Variants in SGSM2 observed in about 807,000 individuals in gnomAD.
SGSM2 encodes the protein RUN and TBC1 domain containing 1.
In SGSM2, 89 loss-of-function variants were observed where a neutral mutation model predicts 126.6. That is an observed-to-expected ratio of 0.70 (90% CI 0.59 to 0.84). SGSM2 has a LOEUF of 0.84. SGSM2 is among the 40% of genes least tolerant of loss of function. SGSM2 has a pLI of 0.00. For missense variants in SGSM2, 1,404 were observed against 1,416.6 expected (o/e 0.99, Z 0.14); for synonymous variants, 614 against 574.3 (o/e 1.07, Z -0.99).
intron 12 of SGSM2, among the ~76,000 whole-genome samples, chr17:2,368,185 T>A (rs2065684652): frequency 6.6e-6 from 1 of 152,124 alleles, no homozygotes; most frequent in African/African-American, 2.4e-5. Context: ...AGAGGTCACC[T>A]TTGTTGGAGG....
chr17:2,340,572 C>T (rs1170513518), intron 1 of SGSM2, among the ~76,000 whole-genome samples: 2 of 151,930 alleles, frequency 1.3e-5, no homozygotes, highest in Admixed American at 1.3e-4. Flanking sequence ...CTCCTTTCCT[C>T]CTTCAGTGTT....
chr17:2,377,854 A>G lies in SGSM2; in HGVS notation c.2803-3A>G. 3.1e-6 allele frequency: 5 copies of G among 1,599,352 alleles called. No homozygotes were observed. The highest frequency in any genetic ancestry group is 4.3e-6 in the Non-Finnish European group (5 of 1,166,996). ...CCTCTCTCCCTTTTCCCACCCACAT[A>G]AGATCCTGGACTCAGAGCTGTTTGA... On this transcript the variant is annotated splice_region_variant and splice_polypyrimidine_tract_variant and intron_variant, in intron 21 of 23. Coordinates refer to ENST00000268989, the MANE Select transcript of SGSM2 (RefSeq NM_014853.3).
chr17:2,363,950 C>G lies in SGSM2; in HGVS notation c.808-109C>G. The G allele has an allele frequency of 7.2e-7, 1 of 1,380,578 alleles. No individual in the cohort carries two copies. Among genetic ancestry groups the G allele is most frequent in the Admixed American group, 1.7e-5 (1 of 57,400 alleles). 85.5% of individuals were successfully genotyped at this position (1,380,578 alleles called of 1,614,324 possible). A position where few individuals can be genotyped will look rare whatever the true frequency, so the allele number is the denominator to read the frequency against. ...CCGTCCCTAGTCCAGGACCCCGTGA[C>G]TAGCCTAGCTTGGCCTCCCCTCCTC... On this transcript the variant is annotated intron_variant, in intron 7 of 23. Transcript: ENST00000268989. The surrounding 1 kb of genome is among the most constrained non-coding windows in gnomAD (Gnocchi z 4.2).
At chr17:2,344,786 T>C (rs1225501631) in intron 2 of SGSM2, among the ~76,000 whole-genome samples, 3 of 152,220 alleles carry the variant, frequency 2.0e-5, no homozygotes, top group African/African-American at 7.2e-5. Flanking sequence ...AATCCTGGCG[T>C]CCTGCCTTTT....
In SGSM2 at chr17:2,362,100, C is replaced by G; in HGVS notation, c.297-9C>G. The G allele has an allele frequency of 6.2e-7, 1 of 1,608,726 alleles. No individual in the cohort carries two copies. Among genetic ancestry groups the G allele is most frequent in the Non-Finnish European group, 8.5e-7 (1 of 1,178,120 alleles). Reference sequence around the variant, plus strand: ...CACTGCACTCCTGGAGCCCTCCCCGCCTTTGCAGGAAACCCTCAGGGGTCA... The same window carrying G: ...CACTGCACTCCTGGAGCCCTCCCCGGCTTTGCAGGAAACCCTCAGGGGTCA... On this transcript the variant is annotated splice_polypyrimidine_tract_variant and intron_variant, in intron 3 of 23. Transcript: ENST00000268989. This position sits in a 1 kb window ranked among gnomAD's most constrained non-coding sequence, Gnocchi z 4.9.
At position 2,343,629 on chromosome 17, in the gene SGSM2, G is replaced by A; in HGVS notation, c.133+9G>A. The A allele has an allele frequency of 6.2e-7, 1 of 1,613,542 alleles. No homozygotes were observed. On this transcript the variant is annotated intron_variant, in intron 2 of 23. Transcript: ENST00000268989. ...CATCATTGCTTTATGTGGTGAGTGAGTGACTGAAGGATGATGGGAGGTCGG... is the reference window on the plus strand; with the variant it reads ...CATCATTGCTTTATGTGGTGAGTGAATGACTGAAGGATGATGGGAGGTCGG...
chr17:2,373,139 C>T (rs1448424210), intron 16 of SGSM2, 58 bp downstream of exon 16: 2 of 1,597,864 alleles, frequency 1.3e-6, no homozygotes, highest in Non-Finnish European at 1.7e-6. Context: ...CAGGGGACGC[C>T]AGGGAGGGGA....
chr17:2,368,356 AG>A (rs1201191625), intron 12 of SGSM2, among the ~76,000 whole-genome samples: 1 of 152,134 alleles, frequency 6.6e-6, no homozygotes, highest in East Asian at 1.9e-4. Flanking sequence ...AGGGGTGGGT[AG>A]GAAGAGGCTG....
chr17:2,365,299 T>A lies in SGSM2; in HGVS notation c.1246T>A (p.Tyr416Asn). The A allele has an allele frequency of 6.3e-6, 10 of 1,587,008 alleles. No homozygotes were observed. Among genetic ancestry groups the A allele is most frequent in the Non-Finnish European group, 8.6e-6 (10 of 1,166,720 alleles). The change falls in exon 11 of 24, where the codon TAT (tyrosine) becomes AAT (asparagine). Residue 416 changes from tyrosine to asparagine, a missense_variant. Physicochemically the swap from Tyr to Asn is moderately radical, Grantham distance 143. Transcript: ENST00000268989. ...EEMGTGRATD[Y>N]VFRIIYPGHR... ...GATGGGCACGGGGCGGGCCACCGAC[T>A]ATGTGTTCCGGATCATCTACCCCGG... is the stretch of plus-strand genomic sequence containing the variant.
At chr17:2,376,422 G>A (rs897779709) in intron 19 of SGSM2, 161 bp downstream of exon 19, 19 of 834,452 alleles carry the variant, frequency 2.3e-5, no homozygotes, top group Non-Finnish European at 2.7e-5. Flanking sequence ...CCTCCCCCGC[G>A]CCTCTTCATT....
At chr17:2,340,565 C>G (rs2064303291) in intron 1 of SGSM2, among the ~76,000 whole-genome samples, 1 of 151,908 alleles carries the variant, frequency 6.6e-6, no homozygotes, top group East Asian at 1.9e-4. Context: ...CATGTTTCTC[C>G]TTTCCTCCTT....
intron 11 of SGSM2, among the ~76,000 whole-genome samples, chr17:2,365,640 AAC>A (rs1185008190): frequency 6.6e-6 from 1 of 152,194 alleles, no homozygotes; most frequent in African/African-American, 2.4e-5. Context: ...CCAGGGGTAA[AAC>A]ACGTGGAGAA....
At chr17:2,350,797 T>C (rs2064812806) in intron 2 of SGSM2, among the ~76,000 whole-genome samples, 2 of 152,134 alleles carry the variant, frequency 1.3e-5, no homozygotes, top group Admixed American at 6.5e-5. Flanking sequence ...TCAGTCCCCT[T>C]CGGTGTGGTA....
At chr17:2,374,935 G>C (rs2066056952) in intron 17 of SGSM2, 1 of 152,462 alleles carries the variant, frequency 6.6e-6, no homozygotes. Context: ...GTGGTGGACT[G>C]TATCTAGGAG....
intron 2 of SGSM2, among the ~76,000 whole-genome samples, chr17:2,351,017 C>A (rs1336230299): frequency 6.6e-6 from 1 of 152,136 alleles, no homozygotes; most frequent in African/African-American, 2.4e-5. Flanking sequence ...CTTTGGGAGG[C>A]TGAGGAGGGT....
chr17:2,345,841 G>C (rs779743967), intron 2 of SGSM2, among the ~76,000 whole-genome samples: 2 of 152,120 alleles, frequency 1.3e-5, no homozygotes, highest in Non-Finnish European at 2.9e-5. Context: ...CAAAATTGGT[G>C]CTCAGTGGTG....
chr17:2,375,363 T>C lies in SGSM2; in HGVS notation c.2101-129T>C. The C allele has an allele frequency of 4.2e-6, 5 of 1,191,844 alleles. No homozygotes were observed. The South Asian group carries it at 6.2e-5, about 15-fold the overall frequency. The allele number at this position is 1,191,844 out of a possible 1,614,324, so 73.8% of individuals were successfully genotyped here. The stretch of plus-strand genomic sequence containing the variant: ...CTGGCTTGGTGCCCCGTGGCCACAG[T>C]GTTGGAGGCTGTGGTGGGAGAGGGG... On this transcript the variant is annotated intron_variant, in intron 17 of 23. Coordinates refer to ENST00000268989, the MANE Select transcript of SGSM2 (RefSeq NM_014853.3).
At chr17:2,349,004 T>G (rs187393225) in intron 2 of SGSM2, among the ~76,000 whole-genome samples, 2 of 151,640 alleles carry the variant, frequency 1.3e-5, no homozygotes, top group Non-Finnish European at 2.9e-5. Context: ...CCTCAAGTGA[T>G]CTACCCGCCT....
At chr17:2,354,215 T>TTTTGTTTTTTTTG (rs145443393) in intron 2 of SGSM2, among the ~76,000 whole-genome samples, 1 of 151,572 alleles carries the variant, frequency 6.6e-6, no homozygotes, top group African/African-American at 2.4e-5. Flanking sequence ...CCTAGAGTTT[T>TTTTGTTTTTTTTG]TTTGTTTGTT....
Sources: gnomAD v4.1 joint callset for allele counts (sites outside exome capture counted in the v4.1 genomes callset) on GRCh38, gnomAD v4.1.1 for gene constraint, Gnocchi (gnomAD v3.1) non-coding constraint, MANE v1.5 for transcripts, NCBI Gene and HGNC (gene_info 2026-07-23, HGNC 2026-07-21) for gene names.